Variants in ROBO1 observed in about 807,000 individuals in gnomAD.
The protein encoded by ROBO1 is roundabout guidance receptor 1, also known as roundabout homolog 1.
A neutral mutation model predicts 195.9 loss-of-function variants in ROBO1; 149 were observed. The observed-to-expected ratio is 0.76, with a 90% CI of 0.67 to 0.87. ROBO1 has a LOEUF of 0.87. ROBO1 is among the 40% of genes least tolerant of loss of function. ROBO1 has a pLI of 0.00. For synonymous variants in ROBO1, 816 were observed against 733.2 expected, an observed-to-expected ratio of 1.11 and a Z score of -1.82; for missense variants, 1,933 against 2,068.3, an observed-to-expected ratio of 0.93 and a Z score of 1.27.
At position 79,445,478 on chromosome 3, in the gene ROBO1, ATTG is replaced by A. The variant is rs1397968608; in HGVS notation, c.88+144343_88+144345del. Reference sequence around the variant, plus strand: ...ATTTTTTTTGGTAAACAATACAGAAATTGTTTTTTTTTTTTTTTTTTTTGGCGT... The same window carrying A: ...ATTTTTTTTGGTAAACAATACAGAAATTTTTTTTTTTTTTTTTTTTGGCGT... On this transcript the variant is annotated intron_variant, in intron 2 of 30. Transcript: ENST00000464233. Among the ~76,000 whole-genome samples the A allele has an allele frequency of 8.5e-5, 11 of 128,712 alleles. No individual in the cohort carries two copies. In the South Asian group the frequency reaches 1.6e-3, roughly 18 times the overall value. The allele number at this position is 128,712 out of a possible 152,430, so 84.4% of individuals were successfully genotyped here.
At chr3:78,703,545 C>G (rs1247471672) in intron 8 of ROBO1, among the ~76,000 whole-genome samples, 1 of 152,018 alleles carries the variant, frequency 6.6e-6, no homozygotes, top group African/African-American at 2.4e-5. Context: ...CCCTAGTCCT[C>G]AGTTGAAAAT....
At chr3:78,786,202 C>A (rs1166874064) in intron 4 of ROBO1, among the ~76,000 whole-genome samples, 2 of 152,132 alleles carry the variant, frequency 1.3e-5, no homozygotes, top group Admixed American at 1.3e-4. Flanking sequence ...ATAAAAGTTT[C>A]TGTCACCTGA....
At chr3:79,427,378 C>T (rs575175299) in intron 2 of ROBO1, among the ~76,000 whole-genome samples, 1 of 152,266 alleles carries the variant, frequency 6.6e-6, no homozygotes, top group East Asian at 1.9e-4. Flanking sequence ...GAATAGCCAG[C>T]TCTGGATTAT....
chr3:79,555,468 T>C lies in ROBO1; in HGVS notation c.88+34356A>G, dbSNP rs539680334. Among the ~76,000 whole-genome samples, 18 of 151,976 alleles carry C rather than the reference T, an allele frequency of 1.2e-4. 1 individual carries two copies. The highest frequency in any genetic ancestry group is 6.6e-5 in the Admixed American group (1 of 15,232). On this transcript the variant is annotated intron_variant, in intron 2 of 30. Transcript: ENST00000464233. ...TAGAGGGAAAAGCAGCAGAAAAACA[T>C]AGAGAAGAAAGAGAAGGGAAAGTTG... is the stretch of plus-strand genomic sequence containing the variant.
chr3:79,763,819 A>G (rs1704838845), intron 1 of ROBO1, among the ~76,000 whole-genome samples: 1 of 152,192 alleles, frequency 6.6e-6, no homozygotes, highest in African/African-American at 2.4e-5. Context: ...AATGCAGATA[A>G]TGCTTTGGAC....
chr3:79,410,466 A>T (rs1575787059), intron 2 of ROBO1, among the ~76,000 whole-genome samples: 2 of 152,208 alleles, frequency 1.3e-5, no homozygotes, highest in African/African-American at 4.8e-5. Flanking sequence ...CATTGAGGCA[A>T]CCTGTATGTC....
At chr3:78,748,412 G>A (rs867776643) in intron 4 of ROBO1, among the ~76,000 whole-genome samples, 4 of 151,008 alleles carry the variant, frequency 2.6e-5, no homozygotes, top group Admixed American at 1.3e-4. Flanking sequence ...GCCATTGCAC[G>A]CCAGCCTCTG....
rs564349551 is a variant in ROBO1, at chr3:79,017,135, T to A, written c.173-78208A>T. 1.7e-3 allele frequency among the ~76,000 whole-genome samples: 252 copies of A among 152,318 alleles called. 2 individuals are homozygous for A. The highest frequency in any genetic ancestry group is 5.9e-3 in the African/African-American group (245 of 41,564). ...AAAGAAGTAACAATTTAATAATTTT[T>A]AAAATTTACTTTAGTTGCAAATCTT... On this transcript the variant is annotated intron_variant, in intron 3 of 30. Transcript: ENST00000464233.
intron 2 of ROBO1, among the ~76,000 whole-genome samples, chr3:79,553,244 A>C (rs914474315): frequency 4.6e-5 from 7 of 152,058 alleles, no homozygotes; most frequent in African/African-American, 1.4e-4. Flanking sequence ...TGCTTATTCC[A>C]TAAGCAAGCT....
chr3:78,640,279 C>A (rs1384115617), intron 21 of ROBO1, among the ~76,000 whole-genome samples: 1 of 152,006 alleles, frequency 6.6e-6, no homozygotes, highest in Non-Finnish European at 1.5e-5. Context: ...TCATTTTGAC[C>A]CATTAAAAAA....
chr3:79,514,795 C>T (rs1307185031), intron 2 of ROBO1, among the ~76,000 whole-genome samples: 2 of 152,124 alleles, frequency 1.3e-5, no homozygotes, highest in African/African-American at 2.4e-5. Context: ...AAAATGAACA[C>T]ATTTAAAATA....
chr3:79,553,721 G>A (rs1394509753), intron 2 of ROBO1, among the ~76,000 whole-genome samples: 1 of 151,982 alleles, frequency 6.6e-6, no homozygotes, highest in Non-Finnish European at 1.5e-5. Flanking sequence ...AAAGTAATGG[G>A]TGCTATCAGC....
chr3:79,387,949 G>T (rs2036815378), intron 2 of ROBO1, among the ~76,000 whole-genome samples: 1 of 152,058 alleles, frequency 6.6e-6, no homozygotes, highest in Non-Finnish European at 1.5e-5. Context: ...TTTAAAATTT[G>T]TATACCCAGC....
At chr3:79,645,894 T>C (rs1438330999) in intron 1 of ROBO1, among the ~76,000 whole-genome samples, 1 of 152,068 alleles carries the variant, frequency 6.6e-6, no homozygotes, top group Non-Finnish European at 1.5e-5. Context: ...AGAATAAAAC[T>C]AGATCCCTAT....
rs541646950 is a variant in ROBO1 at position 79,109,848 on chromosome 3, T to C, written c.172+15608A>G. Among the ~76,000 whole-genome samples the C allele has an allele frequency of 2.0e-5, 3 of 152,214 alleles. No individual in the cohort carries two copies. In the East Asian group the frequency reaches 5.8e-4, roughly 29 times the overall value. The stretch of plus-strand genomic sequence containing the variant: ...TTTGTTTCCTACTTGTATAATCATT[T>C]ATACTGAAATTCATTAGTCTGCTCC... On this transcript the variant is annotated intron_variant, in intron 3 of 30. Coordinates refer to ENST00000464233, the MANE Select transcript of ROBO1 (RefSeq NM_002941.4).
At chr3:79,345,874 A>G (rs1175930931) in intron 2 of ROBO1, among the ~76,000 whole-genome samples, 2 of 152,172 alleles carry the variant, frequency 1.3e-5, no homozygotes, top group Non-Finnish European at 2.9e-5. Flanking sequence ...CTAAATATTT[A>G]AAAATATCTT....
intron 1 of ROBO1, among the ~76,000 whole-genome samples, chr3:79,590,830 A>T (rs937323539): frequency 5.9e-5 from 9 of 151,644 alleles, no homozygotes; most frequent in Admixed American, 2.0e-4. Context: ...GATAGATGAT[A>T]GATAGATAGA....
intron 2 of ROBO1, among the ~76,000 whole-genome samples, chr3:79,323,241 C>T (rs1329621464): frequency 6.6e-6 from 1 of 152,084 alleles, no homozygotes; most frequent in Non-Finnish European, 1.5e-5. Flanking sequence ...GCCACCACGT[C>T]TGGCTAATTT....
intron 2 of ROBO1, among the ~76,000 whole-genome samples, chr3:79,552,794 T>G (rs2107680315): frequency 6.6e-6 from 1 of 152,234 alleles, no homozygotes; most frequent in East Asian, 1.9e-4. Context: ...CCCAAGAAAA[T>G]GCAGCATTGC....
Sources: gnomAD v4.1 joint callset for allele counts (sites outside exome capture counted in the v4.1 genomes callset) on GRCh38, gnomAD v4.1.1 for gene constraint, MANE v1.5 for transcripts, NCBI Gene and HGNC (gene_info 2026-07-23, HGNC 2026-07-21) for gene names.